AP3S2: variants seen among roughly 807,000 people sequenced by gnomAD.
AP3S2 encodes the protein adaptor related protein complex 3 subunit sigma 2, also known as AP-3 complex subunit sigma-2.
Under a neutral mutation model 23.4 loss-of-function variants are expected in AP3S2, and 22 were observed. That is an observed-to-expected ratio of 0.94 (90% CI 0.67 to 1.34). The LOEUF (loss-of-function observed/expected upper bound fraction) is 1.34. Among genes scored for constraint, AP3S2 ranks in the 40% most tolerant of loss-of-function variants. The pLI, the probability that AP3S2 is intolerant of heterozygous loss-of-function variation, is 0.00. For missense variants in AP3S2, 241 were observed against 236.9 expected (o/e 1.02, Z -0.11); for synonymous variants, 86 against 87.1 (o/e 0.99, Z 0.07).
At position 89,868,199 on chromosome 15, in the gene AP3S2, G is replaced by A. The variant is rs1156799743; in HGVS notation, c.345+3276C>T. Reference sequence around the variant, plus strand: ...AGCCCCCCGCCTGGCCAGCTGCCCCGTCCGGGAGGGAGGTGGGGGGGTCAG... The same window carrying A: ...AGCCCCCCGCCTGGCCAGCTGCCCCATCCGGGAGGGAGGTGGGGGGGTCAG... On this transcript the variant is annotated intron_variant, in intron 4 of 5. Transcript: ENST00000336418. 3.6e-5 allele frequency among the ~76,000 whole-genome samples: 2 copies of A among 55,340 alleles called. 1 individual carries two copies. The highest frequency in any genetic ancestry group is 1.6e-3 in the East Asian group (2 of 1,250). The allele number at this position is 55,340 out of a possible 152,430, so 36.3% of individuals were successfully genotyped here.
At chr15:89,858,596 C>A (rs1895924254) in intron 4 of AP3S2, among the ~76,000 whole-genome samples, 1 of 151,396 alleles carries the variant, frequency 6.6e-6, no homozygotes, top group Admixed American at 6.6e-5. Flanking sequence ...GTAGGCTAAT[C>A]CTCTTCTGCA....
intron 4 of AP3S2, among the ~76,000 whole-genome samples, chr15:89,868,396 G>T (rs1450676862): frequency 3.0e-5 from 2 of 66,954 alleles, no homozygotes; most frequent in African/African-American, 5.7e-5. Context: ...AGGTGGGGGG[G>T]TCAGCCCTCC....
intron 3 of AP3S2, chr15:89,877,491 G>T: frequency 2.4e-6 from 2 of 850,058 alleles, no homozygotes; most frequent in Non-Finnish European, 3.4e-6. Flanking sequence ...CAATTCAGTA[G>T]CATTCGATAA....
chr15:89,867,023 CCCCTCT>C lies in AP3S2; in HGVS notation c.345+4446_345+4451del, dbSNP rs1185601561. Among the ~76,000 whole-genome samples the C allele has an allele frequency of 9.2e-4, 110 of 120,146 alleles. 3 individuals are homozygous for C. The highest frequency in any genetic ancestry group is 2.1e-3 in the South Asian group (6 of 2,906). 78.8% of individuals were successfully genotyped at this position (120,146 alleles called of 152,430 possible). A position where few individuals can be genotyped will look rare whatever the true frequency, so the allele number is the denominator to read the frequency against. On this transcript the variant is annotated intron_variant, in intron 4 of 5. Transcript: ENST00000336418. The stretch of plus-strand genomic sequence containing the variant: ...CCCTCTCCCCCTACCCCTCCCCCTC[CCCCTCT>C]CCCTCTCCCTCTCCCTCTCCCCACG...
At chr15:89,888,429 A>T in intron 3 of AP3S2, 92 bp downstream of exon 3, 1 of 1,247,442 alleles carries the variant, frequency 8.0e-7, no homozygotes, top group Non-Finnish European at 1.1e-6. Flanking sequence ...AGTATCAATA[A>T]GGAGATGGAC....
intron 1 of AP3S2, chr15:89,893,063 T>G (rs1896856013): frequency 6.6e-6 from 1 of 152,220 alleles, no homozygotes; most frequent in Non-Finnish European, 1.5e-5. Flanking sequence ...CATTTCTAAT[T>G]GACAAAAGAC....
intron 4 of AP3S2, among the ~76,000 whole-genome samples, chr15:89,867,895 G>A (rs1279823292): frequency 1.5e-5 from 2 of 130,472 alleles, no homozygotes; most frequent in Non-Finnish European, 3.5e-5. Flanking sequence ...GCTCCGCCCG[G>A]CAGCCACCCC....
At chr15:89,868,527 G>GC (rs1458623485) in intron 4 of AP3S2, among the ~76,000 whole-genome samples, 3 of 118,632 alleles carry the variant, frequency 2.5e-5, no homozygotes, top group East Asian at 2.9e-4. Flanking sequence ...GGGGGGGTCA[G>GC]CCCCCCGCCC....
At chr15:89,886,091 C>G (rs1480384507) in intron 3 of AP3S2, among the ~76,000 whole-genome samples, 1 of 152,084 alleles carries the variant, frequency 6.6e-6, no homozygotes, top group Non-Finnish European at 1.5e-5. Flanking sequence ...TGGTTCACAC[C>G]TGTAATCCCA....
chr15:89,890,531 A>G (rs1186187117), intron 1 of AP3S2, among the ~76,000 whole-genome samples: 3 of 152,222 alleles, frequency 2.0e-5, no homozygotes, highest in African/African-American at 7.2e-5. Flanking sequence ...ATTGCTTCTC[A>G]AATCTTCATT....
chr15:89,837,856 C>T (rs1895234497), intron 4 of AP3S2, 134 bp from the exon 5 acceptor site: 3 of 993,842 alleles, frequency 3.0e-6, no homozygotes, highest in Non-Finnish European at 4.4e-6. Flanking sequence ...ACACTCAAAC[C>T]CCCCTGCCCA....
At chr15:89,868,857 C>T (rs1297283110) in intron 4 of AP3S2, among the ~76,000 whole-genome samples, 21 of 137,866 alleles carry the variant, frequency 1.5e-4, no homozygotes, top group East Asian at 4.4e-4. Context: ...CTGCCCCGTC[C>T]GGGAGGTGAG....
At chr15:89,874,767 C>G (rs8026131) in intron 3 of AP3S2, among the ~76,000 whole-genome samples, 107,415 of 152,036 alleles carry the variant, frequency 0.71, 38,153 homozygotes, top group East Asian at 0.8. Flanking sequence ...GAGTGACATA[C>G]CAAGACCTTG....
intron 4 of AP3S2, among the ~76,000 whole-genome samples, chr15:89,844,502 T>C (rs1178253915): frequency 1.3e-5 from 2 of 150,100 alleles, no homozygotes; most frequent in African/African-American, 2.4e-5. Context: ...CATGCCCAGC[T>C]TTTTTTCTTT....
intron 4 of AP3S2, among the ~76,000 whole-genome samples, chr15:89,869,166 G>A (rs1438717688): frequency 2.6e-5 from 4 of 151,818 alleles, no homozygotes; most frequent in Non-Finnish European, 5.9e-5. Flanking sequence ...AAATCGGATG[G>A]TTGCCGTGTC....
intron 3 of AP3S2, among the ~76,000 whole-genome samples, chr15:89,882,122 A>C (rs1481106919): frequency 1.3e-5 from 2 of 152,056 alleles, no homozygotes; most frequent in Non-Finnish European, 2.9e-5. Flanking sequence ...GTGCCTGGCT[A>C]ACATACTCTT....
intron 4 of AP3S2, among the ~76,000 whole-genome samples, chr15:89,851,621 G>A (rs4932254): frequency 0.47 from 71,542 of 152,014 alleles, 17,153 homozygotes; most frequent in East Asian, 0.63. Flanking sequence ...ACAGGCATGA[G>A]CCACCGCGCC....
chr15:89,858,609 A>G (rs772053521), intron 4 of AP3S2, among the ~76,000 whole-genome samples: 2 of 152,202 alleles, frequency 1.3e-5, no homozygotes, highest in Non-Finnish European at 2.9e-5. Context: ...CTTCTGCAAT[A>G]TAAGGAATAA....
Position 89,835,084 on chromosome 15 carries a change from C to T in AP3S2, c.*431G>A, listed in dbSNP as rs994014132. ...CCAGCAAGTAAAGGGCACAGGACCT[C>T]AGAAGTCTGTGGTGCTAAGGATGAA... is the stretch of plus-strand genomic sequence containing the variant. On this transcript the variant is annotated 3_prime_UTR_variant, in exon 6 of 6. Coordinates refer to ENST00000336418, the MANE Select transcript of AP3S2 (RefSeq NM_005829.5). The T allele has an allele frequency of 5.2e-6, 1 of 191,062 alleles. No individual in the cohort carries two copies. The highest frequency in any genetic ancestry group is 2.3e-5 in the African/African-American group (1 of 43,032). 11.8% of individuals were successfully genotyped at this position (191,062 alleles called of 1,614,324 possible).
Sources: gnomAD v4.1 joint callset for allele counts (sites outside exome capture counted in the v4.1 genomes callset) on GRCh38, gnomAD v4.1.1 for gene constraint, MANE v1.5 for transcripts, NCBI Gene and HGNC (gene_info 2026-07-23, HGNC 2026-07-21) for gene names.